The following COL6A6 variants were observed in gnomAD, a reference collection of about 807,000 sequenced individuals.
COL6A6 encodes collagen type VI alpha 6 chain, also known as collagen alpha-6(VI) chain.
In COL6A6, 183 loss-of-function variants were observed where a neutral mutation model predicts 208.6. The ratio of observed to expected loss-of-function variants is 0.88; its 90% CI spans 0.78 to 0.99. COL6A6 has a LOEUF of 0.99. COL6A6 is among the 50% of genes least tolerant of loss of function. The probability of loss-of-function intolerance (pLI) is 0.00; values close to 1 mark genes in which losing one functional copy is unlikely to be tolerated. For synonymous variants in COL6A6, 973 were observed against 1,011.8 expected, an observed-to-expected ratio of 0.96 and a Z score of 0.73; for missense variants, 2,816 against 2,815.2, an observed-to-expected ratio of 1.00 and a Z score of -0.01.
chr3:130,644,391 G>A (rs987834759), intron 31 of COL6A6, among the ~76,000 whole-genome samples: 10 of 152,184 alleles, frequency 6.6e-5, no homozygotes, highest in African/African-American at 2.4e-4. Context: ...CAACTGAGAA[G>A]CTGAATTTTT....
At chr3:130,541,019 C>T (rs138513594) in intron 1 of COL6A6, among the ~76,000 whole-genome samples, 1 of 152,134 alleles carries the variant, frequency 6.6e-6, no homozygotes, top group Non-Finnish European at 1.5e-5. Flanking sequence ...TGGGTATATG[C>T]CCAGTAATGG....
At chr3:130,640,604 T>C (rs2065279752) in intron 28 of COL6A6, among the ~76,000 whole-genome samples, 1 of 152,242 alleles carries the variant, frequency 6.6e-6, no homozygotes, top group Non-Finnish European at 1.5e-5. Flanking sequence ...ATTTTAAACT[T>C]CATTTTTTAT....
Position 130,675,226 on chromosome 3 carries a change from T to C in COL6A6, c.6621T>C (p.Ala2207=), listed in dbSNP as rs2066328845. Residue 2207 remains alanine (A), a synonymous_variant, in exon 37 of 37, where the codon GCT becomes GCC. Transcript: ENST00000358511. ...FRSFVPGPLK[A]TLKEDVLQKA... ...GCTTTGTTCCTGGACCACTTAAAGCTACCCTCAAAGAAGATGTATTACAGA... is the reference window on the plus strand; with the variant it reads ...GCTTTGTTCCTGGACCACTTAAAGCCACCCTCAAAGAAGATGTATTACAGA... 1.3e-6 allele frequency: 2 copies of C among 1,582,680 alleles called. No individual in the cohort carries two copies. The highest frequency in any genetic ancestry group is 1.8e-5 in the Admixed American group (1 of 55,142).
At chr3:130,641,994 A>G (rs527789891) in intron 29 of COL6A6, among the ~76,000 whole-genome samples, 2 of 152,320 alleles carry the variant, frequency 1.3e-5, no homozygotes, top group African/African-American at 2.4e-5. Context: ...TATCTGTTCA[A>G]TCTTTCTATA....
intron 20 of COL6A6, among the ~76,000 whole-genome samples, chr3:130,604,376 TC>T (rs1390811287): frequency 6.6e-6 from 1 of 151,860 alleles, no homozygotes; most frequent in East Asian, 1.9e-4. Context: ...GCGCCTGTAG[TC>T]CCAGCTACTC....
At chr3:130,561,635 T>A (rs1002197312) in intron 2 of COL6A6, among the ~76,000 whole-genome samples, 11 of 2,264 alleles carry the variant, frequency 4.9e-3, no homozygotes, top group African/African-American at 0.014. Flanking sequence ...TTGAATCTAC[T>A]TTTTTTTTTT....
At chr3:130,563,703 G>A (rs375675387) in intron 3 of COL6A6, 39 bp downstream of exon 3, 23 of 1,380,454 alleles carry the variant, frequency 1.7e-5, no homozygotes, top group Middle Eastern at 1.9e-4. Flanking sequence ...ATGATAAAAC[G>A]CTTTTGAAAA....
chr3:130,649,430 C>G lies in COL6A6; in HGVS notation c.5601C>G (p.Ala1867=). 1 of 1,613,166 alleles carries G rather than the reference C, an allele frequency of 6.2e-7. No homozygotes were observed. The highest frequency in any genetic ancestry group is 8.5e-7 in the Non-Finnish European group (1 of 1,179,628). ...CGGGGGCACACACGAGAAAAATCGC[C>G]ACATTTTTCAGCAGCGGTCAGTCCG... ...TLPGAHTRKI[A]TFFSSGQSAD... The change falls in exon 33 of 37, where the codon GCC becomes GCG. Residue 1867 remains alanine (A), a synonymous_variant. Transcript: ENST00000358511.
At chr3:130,617,256 C>G (rs923597915) in intron 23 of COL6A6, among the ~76,000 whole-genome samples, 6 of 152,078 alleles carry the variant, frequency 3.9e-5, no homozygotes, top group African/African-American at 1.4e-4. Context: ...TAGACTCTAG[C>G]CTCACGTATA....
At chr3:130,593,019 T>G in intron 15 of COL6A6, 42 bp from the exon 16 acceptor site, 1 of 1,563,506 alleles carries the variant, frequency 6.4e-7, no homozygotes, top group Non-Finnish European at 8.8e-7. Flanking sequence ...TCTTTACACA[T>G]GCACGTGATG....
Position 130,586,565 on chromosome 3 carries a change from G to C in COL6A6, c.4030G>C (p.Asp1344His), listed in dbSNP as rs375780218. The C allele has an allele frequency of 2.5e-6, 4 of 1,613,770 alleles. No homozygotes were observed. Among genetic ancestry groups the C allele is most frequent in the Non-Finnish European group, 3.4e-6 (4 of 1,179,840 alleles). Residue 1344 changes from aspartate (D) to histidine (H), a missense_variant, in exon 11 of 37, where the codon GAT (aspartate) becomes CAT (histidine). Transcript: ENST00000358511. ...DGPADSSDLA[D>H]LPYIEFGKGF... ...ACCTGCTGATTCAAGTGACTTGGCT[G>C]ATCTTCCCTATATTGAATTTGGGAA...
chr3:130,634,105 A>G lies in COL6A6; in HGVS notation c.4993-485A>G, dbSNP rs143152846. Among the ~76,000 whole-genome samples the G allele has an allele frequency of 0.022, 2,366 of 105,518 alleles. 698 individuals carry two copies. The East Asian group carries it at 0.46, about 20-fold the overall frequency. 69.2% of individuals were successfully genotyped at this position (105,518 alleles called of 152,430 possible). A position where few individuals can be genotyped will look rare whatever the true frequency, so the allele number is the denominator to read the frequency against. On this transcript the variant is annotated intron_variant, in intron 26 of 36. Transcript: ENST00000358511. ...CAGTTACATTCTAAATCCCTGTAGC[A>G]GCATTTCAGGGAAACAGTTTGTCAA...
At chr3:130,554,290 G>T (rs2062716079) in intron 1 of COL6A6, among the ~76,000 whole-genome samples, 1 of 152,226 alleles carries the variant, frequency 6.6e-6, no homozygotes, top group Non-Finnish European at 1.5e-5. Flanking sequence ...GAGTGGGGCT[G>T]CTGGCATTCA....
chr3:130,535,552 T>TC (rs2062203071), intron 1 of COL6A6, among the ~76,000 whole-genome samples: 1 of 152,128 alleles, frequency 6.6e-6, no homozygotes, highest in African/African-American at 2.4e-5. Flanking sequence ...TTTTTTTTTT[T>TC]CCATAGTTGT....
At chr3:130,653,029 T>G (rs937817497) in intron 33 of COL6A6, among the ~76,000 whole-genome samples, 3 of 152,230 alleles carry the variant, frequency 2.0e-5, no homozygotes, top group African/African-American at 7.2e-5. Flanking sequence ...TAGTATGAAG[T>G]TGAGTGGCAA....
chr3:130,574,556 C>T, intron 8 of COL6A6, 31 bp downstream of exon 8: 1 of 1,548,274 alleles, frequency 6.5e-7, no homozygotes, highest in African/African-American at 1.4e-5. Flanking sequence ...TCATTCGATT[C>T]CCTACACCAT....
rs756521467 is a variant in COL6A6, at chr3:130,593,282, A to G, written c.4470+30A>G. ...GGATTTGAAAAGGAAGAACATAAAA[A>G]TTGTACTGGGGATTAAGGGTGTGAT... On this transcript the variant is annotated intron_variant, in intron 17 of 36. Transcript: ENST00000358511. 1.5e-5 allele frequency: 24 copies of G among 1,553,682 alleles called. No individual in the cohort carries two copies. The South Asian group carries it at 2.6e-4, about 17-fold the overall frequency.
Position 130,573,964 on chromosome 3 carries a change from A to C in COL6A6, c.2986A>C (p.Ile996Leu). Residue 996 changes from isoleucine to leucine, a missense_variant, in exon 8 of 37, where the codon ATT becomes CTT. Coordinates refer to ENST00000358511, the MANE Select transcript of COL6A6 (RefSeq NM_001102608.3). ...CCTTCTCTTCTTTGTAGATTGTGAA[A>C]TTGACAAAGTAGATCTTGTTTTCCT... ...VCNSSKVDCE[I>L]DKVDLVFLMD... 6.2e-7 allele frequency: 1 copy of C among 1,605,026 alleles called. No individual in the cohort carries two copies. The highest frequency in any genetic ancestry group is 8.5e-7 in the Non-Finnish European group (1 of 1,172,378).
intron 1 of COL6A6, among the ~76,000 whole-genome samples, chr3:130,533,497 G>C (rs1272077963): frequency 1.3e-5 from 2 of 152,122 alleles, no homozygotes; most frequent in Non-Finnish European, 2.9e-5. Flanking sequence ...GAAAAGCATA[G>C]TGAATAATGT....
Sources: allele counts gnomAD v4.1 joint callset (sites outside exome capture counted in the v4.1 genomes callset), GRCh38; gene constraint gnomAD v4.1.1; transcripts MANE v1.5; gene names NCBI Gene and HGNC (gene_info 2026-07-23, HGNC 2026-07-21).